BRIP1: variants seen among roughly 807,000 people sequenced by gnomAD.
BRIP1 encodes the protein Fanconi anemia group J protein.
In BRIP1, 88 loss-of-function variants were observed where a neutral mutation model predicts 119.7. The observed-to-expected ratio is 0.74, with a 90% confidence interval of 0.62 to 0.88. The LOEUF (loss-of-function observed/expected upper bound fraction) is 0.88. Among genes scored for constraint, BRIP1 ranks in the 40% least tolerant of loss-of-function variants. The pLI, the probability that BRIP1 is intolerant of heterozygous loss-of-function variation, is 0.00. For synonymous variants in BRIP1, 443 were observed against 496.5 expected (o/e 0.89, Z 1.43); for missense variants, 1,259 against 1,455.4 (o/e 0.87, Z 2.20).
rs2078656832 is a variant in BRIP1 at position 61,841,512 on chromosome 17, G to A, written c.627+5589C>T. ...GCACAATAAGATATCATCTCACTCAGTTAGAATGGCTTACTATCGAAAAGA... is the reference window on the plus strand; with the variant it reads ...GCACAATAAGATATCATCTCACTCAATTAGAATGGCTTACTATCGAAAAGA... On this transcript the variant is annotated intron_variant, in intron 6 of 19. Transcript: ENST00000259008. The surrounding 1 kb of genome is among the most constrained non-coding windows in gnomAD (Gnocchi z 4.1). 1.3e-5 allele frequency among the ~76,000 whole-genome samples: 2 copies of A among 151,970 alleles called. No individual in the cohort carries two copies. Among genetic ancestry groups the A allele is most frequent in the Admixed American group, 1.3e-4 (2 of 15,246 alleles).
At chr17:61,783,454 AT>A (rs1417307393) in intron 11 of BRIP1, among the ~76,000 whole-genome samples, 1 of 152,144 alleles carries the variant, frequency 6.6e-6, no homozygotes, top group Non-Finnish European at 1.5e-5. Flanking sequence ...ATAATAAAAA[AT>A]TTCTGGAAAT....
At position 61,753,995 on chromosome 17, in the gene BRIP1, T is replaced by C. The variant is rs894118678; in HGVS notation, c.2098-9404A>G. ...AATTTATCTAGACTCTAAACATTTC[T>C]CACTATCTTTACTGCTACCACAGTG... On this transcript the variant is annotated intron_variant, in intron 14 of 19. Transcript: ENST00000259008. The surrounding 1 kb of genome is among the most constrained non-coding windows in gnomAD (Gnocchi z 4.6). Among the ~76,000 whole-genome samples the C allele has an allele frequency of 6.6e-6, 1 of 152,152 alleles. No homozygotes were observed. Among genetic ancestry groups the C allele is most frequent in the African/African-American group, 2.4e-5 (1 of 41,436 alleles).
intron 17 of BRIP1, among the ~76,000 whole-genome samples, chr17:61,711,631 G>C (rs1299138719): frequency 6.6e-6 from 1 of 152,096 alleles, no homozygotes; most frequent in Non-Finnish European, 1.5e-5. Flanking sequence ...CACTTTGGGA[G>C]CCTGAAGCAG....
intron 16 of BRIP1, among the ~76,000 whole-genome samples, chr17:61,737,485 T>C (rs2076933923): frequency 6.6e-6 from 1 of 152,158 alleles, no homozygotes; most frequent in African/African-American, 2.4e-5. Context: ...TTGCCAGTAT[T>C]TTCCTAAATA....
chr17:61,703,301 T>A lies in BRIP1; in HGVS notation c.2493-9789A>T, dbSNP rs1338430747. ...GTGGTCTTCAACTCCTGACCTCAAG[T>A]GACCTGCCCGCCTTGACCTCCCAGT... On this transcript the variant is annotated intron_variant, in intron 17 of 19. Coordinates refer to ENST00000259008, the MANE Select transcript of BRIP1 (RefSeq NM_032043.3). This position sits in a 1 kb window ranked among gnomAD's most constrained non-coding sequence, Gnocchi z 5.0. 6.6e-6 allele frequency among the ~76,000 whole-genome samples: 1 copy of A among 152,194 alleles called. No homozygotes were observed. The highest frequency in any genetic ancestry group is 2.4e-5 in the African/African-American group (1 of 41,460).
At chr17:61,781,469 A>G (rs969089146) in intron 11 of BRIP1, among the ~76,000 whole-genome samples, 2 of 152,196 alleles carry the variant, frequency 1.3e-5, no homozygotes, top group Non-Finnish European at 1.5e-5. Flanking sequence ...GAAAGTTTTT[A>G]AAGTATTAGC....
At position 61,770,202 on chromosome 17, in the gene BRIP1, G is replaced by A. The variant is rs2077427866; in HGVS notation, c.2097+6199C>T. ...ACACTTGTGAAGGTCACAGGCAAGG[G>A]ACACAGTCATGCTAAAAGACTGAGA... On this transcript the variant is annotated intron_variant, in intron 14 of 19. Transcript: ENST00000259008. The surrounding 1 kb of genome is among the most constrained non-coding windows in gnomAD (Gnocchi z 4.7). Among the ~76,000 whole-genome samples the A allele has an allele frequency of 6.6e-6, 1 of 152,170 alleles. No homozygotes were observed. Among genetic ancestry groups the A allele is most frequent in the Admixed American group, 6.5e-5 (1 of 15,272 alleles).
intron 4 of BRIP1, among the ~76,000 whole-genome samples, chr17:61,850,090 T>C (rs2078794474): frequency 6.7e-6 from 1 of 149,024 alleles, no homozygotes; most frequent in African/African-American, 2.5e-5. Context: ...AATTTAACAA[T>C]CTTTTTTAAC....
rs2078054712 is a variant in BRIP1 at position 61,805,055 on chromosome 17, T to C, written c.918+3412A>G. On this transcript the variant is annotated intron_variant, in intron 7 of 19. Coordinates refer to ENST00000259008, the MANE Select transcript of BRIP1 (RefSeq NM_032043.3). This position sits in a 1 kb window ranked among gnomAD's most constrained non-coding sequence, Gnocchi z 5.6. ...TATAATAAATTAAATTGTATATATA[T>C]ACACACACATATATATGCATATATA... is the stretch of plus-strand genomic sequence containing the variant. Among the ~76,000 whole-genome samples the C allele has an allele frequency of 1.3e-5, 2 of 151,832 alleles. No individual in the cohort carries two copies. Among genetic ancestry groups the C allele is most frequent in the African/African-American group, 2.4e-5 (1 of 41,440 alleles).
chr17:61,739,847 A>AT lies in BRIP1; in HGVS notation c.2379+3165dup, dbSNP rs1324627981. On this transcript the variant is annotated intron_variant, in intron 16 of 19. Coordinates refer to ENST00000259008, the MANE Select transcript of BRIP1 (RefSeq NM_032043.3). This position sits in a 1 kb window ranked among gnomAD's most constrained non-coding sequence, Gnocchi z 6.0. ...AAAAGAAAATCCTCCTTGATGAACA[A>AT]TAAGTTCAACTTAGGCTCAAATTAT... 6.6e-6 allele frequency among the ~76,000 whole-genome samples: 1 copy of AT among 152,204 alleles called. No individual in the cohort carries two copies. The highest frequency in any genetic ancestry group is 1.5e-5 in the Non-Finnish European group (1 of 68,034).
At position 61,810,272 on chromosome 17, in the gene BRIP1, C is replaced by T. The variant is rs2078141874; in HGVS notation, c.628-1515G>A. 6.6e-6 allele frequency among the ~76,000 whole-genome samples: 1 copy of T among 152,156 alleles called. No individual in the cohort carries two copies. The highest frequency in any genetic ancestry group is 1.5e-5 in the Non-Finnish European group (1 of 68,022). On this transcript the variant is annotated intron_variant, in intron 6 of 19. Transcript: ENST00000259008. This position sits in a 1 kb window ranked among gnomAD's most constrained non-coding sequence, Gnocchi z 4.7. The stretch of plus-strand genomic sequence containing the variant: ...GAGTTATGAATGGGGCTCTTGTCAA[C>T]AGTGAGGCAGGAAACAGCTGACATG...
rs2078081013 is a variant in BRIP1, at chr17:61,806,840, A to G, written c.918+1627T>C. On this transcript the variant is annotated intron_variant, in intron 7 of 19. Coordinates refer to ENST00000259008, the MANE Select transcript of BRIP1 (RefSeq NM_032043.3). This position sits in a 1 kb window ranked among gnomAD's most constrained non-coding sequence, Gnocchi z 4.9. ...AGCCTCCCAAGTAGCTGGGATTACA[A>G]GCATGCGCCACCACGCCCAGCTAAT... Among the ~76,000 whole-genome samples the G allele has an allele frequency of 6.6e-6, 1 of 152,084 alleles. No homozygotes were observed. The highest frequency in any genetic ancestry group is 1.5e-5 in the Non-Finnish European group (1 of 67,944).
At chr17:61,721,414 C>T (rs941551329) in intron 16 of BRIP1, among the ~76,000 whole-genome samples, 11 of 151,506 alleles carry the variant, frequency 7.3e-5, no homozygotes, top group Non-Finnish European at 1.6e-4. Flanking sequence ...AGACTACAGG[C>T]GTGTGCCACC....
At position 61,780,253 on chromosome 17, in the gene BRIP1, C is replaced by G. The variant is rs767048212; in HGVS notation, c.1935+8G>C. Reference sequence around the variant, plus strand: ...GAAGGCCTTCCAAAAAAAAAAACAACAACTAACCTGTGAATTTTTAATGAT... The same window carrying G: ...GAAGGCCTTCCAAAAAAAAAAACAAGAACTAACCTGTGAATTTTTAATGAT... On this transcript the variant is annotated splice_region_variant and intron_variant, in intron 13 of 19. Coordinates refer to ENST00000259008, the MANE Select transcript of BRIP1 (RefSeq NM_032043.3). This position sits in a 1 kb window ranked among gnomAD's most constrained non-coding sequence, Gnocchi z 5.4. 1 of 1,601,118 alleles carries G rather than the reference C, an allele frequency of 6.2e-7. No individual in the cohort carries two copies. Among genetic ancestry groups the G allele is most frequent in the African/African-American group, 1.3e-5 (1 of 74,174 alleles).
intron 11 of BRIP1, among the ~76,000 whole-genome samples, chr17:61,781,238 T>C (rs1018911379): frequency 1.3e-5 from 2 of 152,212 alleles, no homozygotes; most frequent in Admixed American, 6.5e-5. Context: ...CATCTAACCA[T>C]CTATCTTTTA....
intron 16 of BRIP1, among the ~76,000 whole-genome samples, chr17:61,731,323 T>G (rs1000504361): frequency 6.6e-6 from 1 of 152,218 alleles, no homozygotes; most frequent in Non-Finnish European, 1.5e-5. Context: ...AACCATGTAT[T>G]ATTATCAGAG....
In BRIP1 at chr17:61,799,381, T is replaced by C; in HGVS notation, c.1141-82A>G. ...CAGGCAAGATATTTCATTTTAAAAT[T>C]CACACTATAGGCCAATATTGCAAAT... On this transcript the variant is annotated intron_variant, in intron 8 of 19. Coordinates refer to ENST00000259008, the MANE Select transcript of BRIP1 (RefSeq NM_032043.3). This position sits in a 1 kb window ranked among gnomAD's most constrained non-coding sequence, Gnocchi z 5.1. The C allele has an allele frequency of 8.9e-7, 1 of 1,123,692 alleles. No individual in the cohort carries two copies. Among genetic ancestry groups the C allele is most frequent in the Non-Finnish European group, 1.3e-6 (1 of 766,442 alleles). 69.6% of individuals were successfully genotyped at this position (1,123,692 alleles called of 1,614,324 possible).
chr17:61,809,014 A>G lies in BRIP1; in HGVS notation c.628-257T>C, dbSNP rs1235008641. Among the ~76,000 whole-genome samples, 1 of 152,178 alleles carries G rather than the reference A, an allele frequency of 6.6e-6. No individual in the cohort carries two copies. Among genetic ancestry groups the G allele is most frequent in the African/African-American group, 2.4e-5 (1 of 41,440 alleles). On this transcript the variant is annotated intron_variant, in intron 6 of 19. Coordinates refer to ENST00000259008, the MANE Select transcript of BRIP1 (RefSeq NM_032043.3). This position sits in a 1 kb window ranked among gnomAD's most constrained non-coding sequence, Gnocchi z 5.2. ...TCCAACATACCACTCTAACTCTCCA[A>G]TTCCAAATGTTTTGAGTACATTTTA...
Position 61,793,474 on chromosome 17 carries a change from T to A in BRIP1, c.1473+123A>T, listed in dbSNP as rs185997519. 2.5e-4 allele frequency: 216 copies of A among 871,800 alleles called. No individual in the cohort carries two copies. The African/African-American group carries it at 3.1e-3, about 13-fold the overall frequency. The allele number at this position is 871,800 out of a possible 1,614,324, so 54.0% of individuals were successfully genotyped here. The stretch of plus-strand genomic sequence containing the variant: ...TATCAAATTTAGATAATAAAATTTT[T>A]AAAAAATTAAATTGCTATATTTAAC... On this transcript the variant is annotated intron_variant, in intron 10 of 19. Coordinates refer to ENST00000259008, the MANE Select transcript of BRIP1 (RefSeq NM_032043.3). The surrounding 1 kb of genome is among the most constrained non-coding windows in gnomAD (Gnocchi z 5.2).
Sources: allele counts gnomAD v4.1 joint callset (sites outside exome capture counted in the v4.1 genomes callset), GRCh38; gene constraint gnomAD v4.1.1; non-coding constraint Gnocchi (gnomAD v3.1); transcripts MANE v1.5; gene names NCBI Gene and HGNC (gene_info 2026-07-23, HGNC 2026-07-21).